The following MYCBP2 variants were observed in gnomAD, a reference collection of about 807,000 sequenced individuals.
The protein encoded by MYCBP2 is MYC binding protein 2.
MYCBP2 carries 120 observed loss-of-function variants against 525.3 expected under a neutral mutation model. That is an observed-to-expected ratio of 0.23 (90% CI 0.20 to 0.27). MYCBP2 has a LOEUF of 0.27. Ranked by LOEUF, MYCBP2 falls within the 10% of genes least tolerant of loss-of-function variation. MYCBP2 has a pLI of 1.00. For missense variants in MYCBP2, 4,149 were observed against 5,657.1 expected (o/e 0.73, Z 8.55); for synonymous variants, 1,894 against 1,955.8 (o/e 0.97, Z 0.83).
chr13:77,064,703 G>A lies in MYCBP2; in HGVS notation c.12584C>T (p.Thr4195Ile). ...GHLSEAWSRVTKNAIAETIIA... is the reference protein window; with the variant it reads ...GHLSEAWSRVIKNAIAETIIA... Reference sequence around the variant, plus strand: ...GATGGTTTCTGCAATAGCATTTTTTGTCACTCGGGACCAAGCTTCTGACAG... The same window carrying A: ...GATGGTTTCTGCAATAGCATTTTTTATCACTCGGGACCAAGCTTCTGACAG... Residue 4195 changes from threonine (T) to isoleucine (I), a missense_variant, in exon 73 of 83, where the codon ACA becomes ATA. Around this residue, in one of 21 missense-constraint regions of MYCBP2, gnomAD observed 148 missense variants for 179.4 expected, o/e 0.82. Transcript: ENST00000544440. 6.2e-7 allele frequency: 1 copy of A among 1,613,780 alleles called. No individual in the cohort carries two copies. Among genetic ancestry groups the A allele is most frequent in the African/African-American group, 1.3e-5 (1 of 74,984 alleles).
intron 82 of MYCBP2, 130 bp downstream of exon 82, chr13:77,050,867 G>T: frequency 1.3e-6 from 1 of 765,064 alleles, no homozygotes; most frequent in Non-Finnish European, 2.1e-6. Flanking sequence ...AAGGATCAAG[G>T]AATTCCTCCT....
chr13:77,117,961 C>T (rs1197005739), intron 55 of MYCBP2, among the ~76,000 whole-genome samples: 1 of 152,106 alleles, frequency 6.6e-6, no homozygotes, highest in Non-Finnish European at 1.5e-5. Context: ...AATTGTCATA[C>T]ATTTCATAGA....
In MYCBP2 at chr13:77,058,455, A is replaced by G. The variant is rs376741378; in HGVS notation, c.13141-49T>C. On this transcript the variant is annotated intron_variant, in intron 77 of 82. Transcript: ENST00000544440. This position sits in a 1 kb window ranked among gnomAD's most constrained non-coding sequence, Gnocchi z 4.1. ...TACACAAGTATGTAAAAAAGCACAC[A>G]TTCTGGTAATTTTCCTTATTATATA... The G allele has an allele frequency of 1.2e-4, 179 of 1,435,050 alleles. No homozygotes were observed. Among genetic ancestry groups the G allele is most frequent in the Middle Eastern group, 6.0e-4 (3 of 5,020 alleles). 88.9% of individuals were successfully genotyped at this position (1,435,050 alleles called of 1,614,324 possible). A position where few individuals can be genotyped will look rare whatever the true frequency, so the allele number is the denominator to read the frequency against.
In MYCBP2 at chr13:77,270,869, CTTATTT is replaced by C. The variant is rs368731630; in HGVS notation, c.946-337_946-332del. 6.4e-3 allele frequency among the ~76,000 whole-genome samples: 970 copies of C among 152,088 alleles called. 8 individuals carry two copies. Among genetic ancestry groups the C allele is most frequent in the African/African-American group, 0.022 (907 of 41,480 alleles). ...ATTTTGTCATTCTCGATCCATGTTTCTTATTTTATCTTCCATATTTCTCTCCTTGTC... is the reference window on the plus strand; with the variant it reads ...ATTTTGTCATTCTCGATCCATGTTTCTATCTTCCATATTTCTCTCCTTGTC... On this transcript the variant is annotated intron_variant, in intron 5 of 82. Transcript: ENST00000544440.
intron 52 of MYCBP2, among the ~76,000 whole-genome samples, chr13:77,133,290 T>A (rs1594802693): frequency 6.6e-6 from 1 of 152,262 alleles, no homozygotes; most frequent in East Asian, 1.9e-4. Flanking sequence ...AGGGTCACAA[T>A]GAGGATTAAA....
At chr13:77,240,849 A>G (rs1293314214) in intron 17 of MYCBP2, among the ~76,000 whole-genome samples, 1 of 152,196 alleles carries the variant, frequency 6.6e-6, no homozygotes, top group African/African-American at 2.4e-5. Context: ...ATTCCACTCA[A>G]GAAAAGATAT....
At chr13:77,197,867 T>C (rs1297160802) in intron 26 of MYCBP2, among the ~76,000 whole-genome samples, 1 of 152,162 alleles carries the variant, frequency 6.6e-6, no homozygotes, top group Non-Finnish European at 1.5e-5. Flanking sequence ...GGCAAGATCA[T>C]TTCCAGACAA....
At position 77,051,651 on chromosome 13, in the gene MYCBP2, T is replaced by C. The variant is rs117200503; in HGVS notation, c.13755+160A>G. ...AAATAAAAATATCGCCCAAAGGAAA[T>C]AATATATATGAAATAATGTGAAAAA... On this transcript the variant is annotated intron_variant, in intron 81 of 82. Transcript: ENST00000544440. Among the ~76,000 whole-genome samples, 611 of 152,256 alleles carry C rather than the reference T, an allele frequency of 4.0e-3. 10 individuals carry two copies. The highest frequency in any genetic ancestry group is 6.8e-3 in the Middle Eastern group (2 of 294).
At chr13:77,251,460 C>T (rs73545898) in intron 14 of MYCBP2, 105 bp from the exon 15 acceptor site, 1 of 898,030 alleles carries the variant, frequency 1.1e-6, no homozygotes. Flanking sequence ...CTAATCCAAG[C>T]AATTATACAA....
chr13:77,097,718 T>C lies in MYCBP2; in HGVS notation c.9436A>G (p.Met3146Val). Residue 3146 changes from methionine (M) to valine (V), a missense_variant, in exon 56 of 83, where the codon ATG (methionine) becomes GTG (valine). Met to Val is a conservative substitution (Grantham distance 21). Transcript: ENST00000544440. The part of the protein sequence containing the change: ...GKTETTFEMS[M>V]HNTMKSKSPL... ...GACTTAGACTTCATTGTGTTATGCATGGACATTTCAAAAGTGGTCTCGGTT... is the reference window on the plus strand; with the variant it reads ...GACTTAGACTTCATTGTGTTATGCACGGACATTTCAAAAGTGGTCTCGGTT... 1.2e-6 allele frequency: 2 copies of C among 1,613,714 alleles called. No homozygotes were observed. The highest frequency in any genetic ancestry group is 1.7e-6 in the Non-Finnish European group (2 of 1,179,810).
chr13:77,153,174 C>CTGGG (rs2154195964), intron 46 of MYCBP2, among the ~76,000 whole-genome samples: 1 of 152,164 alleles, frequency 6.6e-6, no homozygotes, highest in South Asian at 2.1e-4. Context: ...TCAGGACACA[C>CTGGG]TGGGTGCAGG....
chr13:77,269,984 T>C lies in MYCBP2; in HGVS notation c.1260+8A>G, dbSNP rs376401653. ...GAAAATTTTGGTTTATTGTGGATAG[T>C]TTCTTACCTGAGCATACCCTAACCA... On this transcript the variant is annotated splice_region_variant and intron_variant, in intron 7 of 82. Transcript: ENST00000544440. The C allele has an allele frequency of 3.6e-5, 58 of 1,605,346 alleles. No homozygotes were observed. In the African/African-American group the frequency reaches 7.1e-4, roughly 20 times the overall value.
chr13:77,301,975 G>T (rs1361797726), intron 1 of MYCBP2, among the ~76,000 whole-genome samples: 1 of 151,876 alleles, frequency 6.6e-6, no homozygotes, highest in Non-Finnish European at 1.5e-5. Flanking sequence ...CTTGCAAACA[G>T]GCCAAAAATA....
intron 3 of MYCBP2, among the ~76,000 whole-genome samples, chr13:77,285,500 C>T (rs1399944692): frequency 6.6e-6 from 1 of 152,074 alleles, no homozygotes; most frequent in Admixed American, 6.6e-5. Flanking sequence ...AAGAAAGAAG[C>T]TATTGGCCAG....
At chr13:77,298,622 A>T (rs909032788) in intron 1 of MYCBP2, among the ~76,000 whole-genome samples, 3 of 152,236 alleles carry the variant, frequency 2.0e-5, no homozygotes, top group Non-Finnish European at 2.9e-5. Flanking sequence ...AGAGATTAAA[A>T]TAAGGTATCT....
chr13:77,097,837 C>T lies in MYCBP2; in HGVS notation c.9317G>A (p.Gly3106Glu). 6.2e-7 allele frequency: 1 copy of T among 1,613,588 alleles called. No individual in the cohort carries two copies. Residue 3106 changes from glycine to glutamate, a missense_variant, in exon 56 of 83, where the codon GGA becomes GAA. Physicochemically the swap from Gly to Glu is moderately conservative, Grantham distance 98. Around this residue, in one of 21 missense-constraint regions of MYCBP2, gnomAD observed 653 missense variants for 744.7 expected, o/e 0.88. Coordinates refer to ENST00000544440, the MANE Select transcript of MYCBP2 (RefSeq NM_015057.5). ...GCTACCCATCTTAGATATATCTGGT[C>T]CATGGGGTGCAATATTAAACATATT... ...ALNMFNIAPH[G>E]PDISKMGSIN...
At position 77,251,288 on chromosome 13, in the gene MYCBP2, A is replaced by T; in HGVS notation, c.2244T>A (p.Asp748Glu). ...CTGGAGGGCACATCATAGACTTCTC[A>T]TCTTTTTCATCTAGTTCTTCTTCCA... ...EDLEEELDEK[D>E]EKSMMCPPGM... The change falls in exon 15 of 83, where the codon GAT (aspartate) becomes GAA (glutamate). Residue 748 changes from aspartate (D) to glutamate (E), a missense_variant. Coordinates refer to ENST00000544440, the MANE Select transcript of MYCBP2 (RefSeq NM_015057.5). The T allele has an allele frequency of 6.2e-7, 1 of 1,613,762 alleles. No individual in the cohort carries two copies. The highest frequency in any genetic ancestry group is 8.5e-7 in the Non-Finnish European group (1 of 1,179,684).
chr13:77,206,884 C>A, intron 23 of MYCBP2, 59 bp from the exon 24 acceptor site: 1 of 1,381,470 alleles, frequency 7.2e-7, no homozygotes, highest in Non-Finnish European at 9.6e-7. Context: ...AAAAAAAATT[C>A]CTAAAACATA....
intron 19 of MYCBP2, among the ~76,000 whole-genome samples, chr13:77,224,992 T>G (rs2066061169): frequency 6.6e-6 from 1 of 152,174 alleles, no homozygotes; most frequent in Admixed American, 6.5e-5. Flanking sequence ...TTTATAAAGG[T>G]TGAACAGTAC....
Sources: allele counts gnomAD v4.1 joint callset (sites outside exome capture counted in the v4.1 genomes callset), GRCh38; gene constraint gnomAD v4.1.1; regional missense constraint gnomAD v4.1.1; non-coding constraint Gnocchi (gnomAD v3.1); transcripts MANE v1.5; gene names NCBI Gene and HGNC (gene_info 2026-07-23, HGNC 2026-07-21).